Variants in PMPCA observed in about 807,000 individuals in gnomAD.
The protein encoded by PMPCA is peptidase, mitochondrial processing subunit alpha.
In PMPCA, 47 loss-of-function variants were observed where a neutral mutation model predicts 59.3. That is an observed-to-expected ratio of 0.79 (90% CI 0.63 to 1.01). The LOEUF (loss-of-function observed/expected upper bound fraction) is 1.01, where lower values mean the gene tolerates loss of function less well. Among genes scored for constraint, PMPCA ranks in the 50% least tolerant of loss-of-function variants. The probability of loss-of-function intolerance (pLI) is 0.00; values close to 1 mark genes in which losing one functional copy is unlikely to be tolerated. For synonymous variants in PMPCA, 338 were observed against 290.3 expected (o/e 1.16, Z -1.67); for missense variants, 726 against 704.5 (o/e 1.03, Z -0.34).
In PMPCA at chr9:136,423,311, G is replaced by A. The variant is rs73670260; in HGVS notation, c.*47G>A. 3.7e-4 allele frequency: 578 copies of A among 1,563,532 alleles called. 1 individual carries two copies. In the African/African-American group the frequency reaches 7.0e-3, roughly 19 times the overall value. On this transcript the variant is annotated 3_prime_UTR_variant, in exon 13 of 13. Transcript: ENST00000371717. ...ACCCAGGGAGCTGCAGCTGGAGCCC[G>A]TTCCCGTGCGTGTTAGTTTGGACAC...
intron 10 of PMPCA, 31 bp from the exon 11 acceptor site, chr9:136,419,013 C>T (rs1330551560): frequency 1.2e-6 from 2 of 1,609,698 alleles, no homozygotes; most frequent in Non-Finnish European, 1.7e-6. Flanking sequence ...AGGCGCAGGC[C>T]ACACTGTTAT....
chr9:136,422,334 G>A (rs1261218570), intron 12 of PMPCA: 62 of 1,184,262 alleles, frequency 5.2e-5, no homozygotes, highest in Middle Eastern at 2.4e-4. Context: ...GCAGTGGCTC[G>A]GAATGCCGCT....
intron 11 of PMPCA, 130 bp from the exon 12 acceptor site, chr9:136,421,702 G>T: frequency 6.0e-6 from 5 of 837,928 alleles, no homozygotes; most frequent in Non-Finnish European, 9.3e-6. Flanking sequence ...GGGAGCCACT[G>T]CGCCCGGCTG....
chr9:136,419,269 T>C, intron 11 of PMPCA, 163 bp downstream of exon 11: 4 of 727,750 alleles, frequency 5.5e-6, no homozygotes, highest in South Asian at 4.3e-5. Flanking sequence ...AGCCTGGGGC[T>C]GAGCTGCTCC....
Position 136,423,187 on chromosome 9 carries a change from C to G in PMPCA, c.1501C>G (p.Pro501Ala). 1 of 1,613,804 alleles carries G rather than the reference C, an allele frequency of 6.2e-7. No homozygotes were observed. ...VAALGDLTDLPTYEHIQTALS... is the reference protein window; with the variant it reads ...VAALGDLTDLATYEHIQTALS... ...CGCCCTGGGTGACCTGACTGACCTG[C>G]CCACGTATGAGCACATCCAGACCGC... Residue 501 changes from proline to alanine, a missense_variant, in exon 13 of 13, where the codon CCC becomes GCC. Physicochemically the swap from Pro to Ala is conservative, Grantham distance 27 (BLOSUM62 -1). Coordinates refer to ENST00000371717, the MANE Select transcript of PMPCA (RefSeq NM_015160.3).
intron 11 of PMPCA, chr9:136,420,726 T>G (rs1244227831): frequency 6.6e-6 from 1 of 152,202 alleles, no homozygotes; most frequent in African/African-American, 2.4e-5. Context: ...GAAGTCAACT[T>G]GAAATAAATA....
chr9:136,419,168 T>C (rs773954293), intron 11 of PMPCA, 62 bp downstream of exon 11: 40 of 1,418,414 alleles, frequency 2.8e-5, no homozygotes, highest in Non-Finnish European at 3.7e-5. Flanking sequence ...GACAGCCACG[T>C]TGTAGGAGTG....
rs773734131 is a variant in PMPCA, at chr9:136,418,706, A to ACCAGG, written c.1109+44_1109+48dup. On this transcript the variant is annotated intron_variant, in intron 9 of 12. Transcript: ENST00000371717. ...GCACTCTTTTCTGTATCCTCAGGCC[A>ACCAGG]CCAGGCCAGGCCAGGTGTGTTTTTG... 144 of 1,536,376 alleles carry ACCAGG rather than the reference A, an allele frequency of 9.4e-5. No individual in the cohort carries two copies. In the Middle Eastern group the frequency reaches 1.2e-3, roughly 13 times the overall value.
chr9:136,414,892 C>A (rs1835232271), intron 5 of PMPCA, among the ~76,000 whole-genome samples: 2 of 151,982 alleles, frequency 1.3e-5, no homozygotes, highest in Non-Finnish European at 2.9e-5. Context: ...TTGAGACCAG[C>A]CTGGGCAACA....
chr9:136,422,142 G>T, intron 12 of PMPCA, 166 bp downstream of exon 12: 6 of 1,541,802 alleles, frequency 3.9e-6, no homozygotes, highest in Non-Finnish European at 5.3e-6. Context: ...GGGCAGGGTC[G>T]TGGGGTCGCA....
intron 7 of PMPCA, 32 bp downstream of exon 7, chr9:136,417,246 G>A: frequency 6.5e-7 from 1 of 1,533,560 alleles, no homozygotes; most frequent in South Asian, 1.2e-5. Context: ...ATGGCCTCGG[G>A]TGGGGAACAC....
intron 4 of PMPCA, among the ~76,000 whole-genome samples, chr9:136,413,512 T>G (rs1429608153): frequency 6.6e-6 from 1 of 152,188 alleles, no homozygotes; most frequent in Non-Finnish European, 1.5e-5. Context: ...GATTTAAGTT[T>G]GAATGCTAAA....
At position 136,417,102 on chromosome 9, in the gene PMPCA, A is replaced by G. The variant is rs767481786; in HGVS notation, c.785A>G (p.His262Arg). 1.9e-6 allele frequency: 3 copies of G among 1,613,820 alleles called. No individual in the cohort carries two copies. Among genetic ancestry groups the G allele is most frequent in the African/African-American group, 2.7e-5 (2 of 74,918 alleles). Residue 262 changes from histidine to arginine, a missense_variant, in exon 7 of 13, where the codon CAT becomes CGT. His to Arg is a conservative substitution (Grantham distance 29). Coordinates refer to ENST00000371717, the MANE Select transcript of PMPCA (RefSeq NM_015160.3). The part of the protein sequence containing the change: ...VLAGVGVEHE[H>R]LVDCARKYLL... ...GCCGGCGTGGGCGTGGAGCACGAGC[A>G]TCTGGTGGACTGTGCCCGGAAGTAC...
rs777531932 is a variant in PMPCA, at chr9:136,418,545, G to A, written c.991-10G>A. The A allele has an allele frequency of 1.7e-5, 27 of 1,555,388 alleles. No homozygotes were observed. Among genetic ancestry groups the A allele is most frequent in the Middle Eastern group, 1.7e-4 (1 of 5,968 alleles). ...GGTGGTTCAGCCAGCTCTGCCCTCC[G>A]TCCCTGCAGGAGGAGGACTTCATCC... is the stretch of plus-strand genomic sequence containing the variant. On this transcript the variant is annotated splice_polypyrimidine_tract_variant and intron_variant, in intron 8 of 12. Coordinates refer to ENST00000371717, the MANE Select transcript of PMPCA (RefSeq NM_015160.3).
Position 136,421,832 on chromosome 9 carries a change from G to T in PMPCA, c.1264G>T (p.Val422Leu), listed in dbSNP as rs781266365. 3.2e-6 allele frequency: 5 copies of T among 1,584,186 alleles called. No homozygotes were observed. The East Asian group carries it at 9.0e-5, about 29-fold the overall frequency. ...FILMGGTVDT[V>L]ELERAKTQLT... ...TCACCTGACTGGACCCTGGCCCCAGGTGGAGCTGGAACGAGCCAAGACGCA... is the reference window on the plus strand; with the variant it reads ...TCACCTGACTGGACCCTGGCCCCAGTTGGAGCTGGAACGAGCCAAGACGCA... Residue 422 changes from valine (V) to leucine (L), a missense_variant and splice_region_variant, in exon 12 of 13, where the codon GTG (valine) becomes TTG (leucine). Transcript: ENST00000371717.
In PMPCA at chr9:136,418,909, C is replaced by A. The variant is rs1302792454; in HGVS notation, c.1191C>A (p.Asp397Glu). The A allele has an allele frequency of 1.2e-6, 2 of 1,613,632 alleles. No homozygotes were observed. The highest frequency in any genetic ancestry group is 8.5e-7 in the Non-Finnish European group (1 of 1,179,834). The change falls in exon 10 of 13, where the codon GAC becomes GAA. Residue 397 changes from aspartate to glutamate, a missense_variant. Physicochemically the swap from Asp to Glu is conservative, Grantham distance 45 (BLOSUM62 2). Transcript: ENST00000371717. ...TGLLCIHASA[D>E]PRQVREMVEI... ...TCCTTTGCATCCATGCCAGCGCCGA[C>A]CCAAGACAGGTGAGGGCCCCGCCTG...
chr9:136,414,493 T>C, intron 4 of PMPCA, 60 bp from the exon 5 acceptor site: 1 of 1,148,316 alleles, frequency 8.7e-7, no homozygotes, highest in Middle Eastern at 2.5e-4. Context: ...GAGCGTCCCC[T>C]GGCTGTTAAG....
intron 1 of PMPCA, chr9:136,411,010 A>G (rs1835089012): frequency 5.4e-6 from 2 of 370,922 alleles, no homozygotes; most frequent in Non-Finnish European, 9.6e-6. Flanking sequence ...GCCATGCCTC[A>G]TATTTGCCCC....
intron 11 of PMPCA, chr9:136,420,513 CGTT>C (rs1835419452): frequency 6.6e-6 from 1 of 152,136 alleles, no homozygotes; most frequent in East Asian, 1.9e-4. Context: ...GGTTTCACCA[CGTT>C]GGCCAGACCG....
Sources: allele counts gnomAD v4.1 joint callset (sites outside exome capture counted in the v4.1 genomes callset), GRCh38; gene constraint gnomAD v4.1.1; transcripts MANE v1.5; gene names NCBI Gene and HGNC (gene_info 2026-07-23, HGNC 2026-07-21).